FAM227B: variants seen among roughly 807,000 people sequenced by gnomAD.
FAM227B encodes protein FAM227B.
In FAM227B, 88 loss-of-function variants were observed where a neutral mutation model predicts 73.8. That is an observed-to-expected ratio of 1.19 (90% confidence interval 1.00 to 1.42). FAM227B has a LOEUF of 1.42. Among genes scored for constraint, FAM227B ranks in the 40% most tolerant of loss-of-function variants. The pLI is 0.00. For synonymous variants in FAM227B, 210 were observed against 190.5 expected, an observed-to-expected ratio of 1.10 and a Z score of -0.84; for missense variants, 632 against 590.9, an observed-to-expected ratio of 1.07 and a Z score of -0.72.
chr15:49,518,585 A>C (rs2059550991), intron 10 of FAM227B, among the ~76,000 whole-genome samples: 1 of 152,222 alleles, frequency 6.6e-6, no homozygotes. Flanking sequence ...ACCTGGCAGC[A>C]GGCAAGAATG....
At chr15:49,467,102 T>C (rs1440729700) in intron 11 of FAM227B, among the ~76,000 whole-genome samples, 3 of 152,114 alleles carry the variant, frequency 2.0e-5, no homozygotes, top group African/African-American at 7.2e-5. Flanking sequence ...AAGATTACAT[T>C]ATATATCTAC....
chr15:49,419,163 A>G (rs1015171117), intron 11 of FAM227B, among the ~76,000 whole-genome samples: 2 of 152,208 alleles, frequency 1.3e-5, no homozygotes, highest in African/African-American at 4.8e-5. Flanking sequence ...CTATTTGTTC[A>G]GACACATGAG....
chr15:49,597,734 G>A (rs1259629463), intron 3 of FAM227B, among the ~76,000 whole-genome samples: 1 of 151,866 alleles, frequency 6.6e-6, no homozygotes, highest in Non-Finnish European at 1.5e-5. Flanking sequence ...GCGAGATTAA[G>A]CAAGAAAAGA....
At chr15:49,593,913 T>C (rs978796004) in intron 3 of FAM227B, among the ~76,000 whole-genome samples, 2 of 152,196 alleles carry the variant, frequency 1.3e-5, no homozygotes, top group Non-Finnish European at 2.9e-5. Flanking sequence ...GTCTTTTTTA[T>C]ATAATGACTT....
chr15:49,449,285 A>G (rs1434982096), intron 11 of FAM227B, among the ~76,000 whole-genome samples: 1 of 152,082 alleles, frequency 6.6e-6, no homozygotes, highest in Non-Finnish European at 1.5e-5. Flanking sequence ...CATGAAATCA[A>G]TCTAAAATAA....
At chr15:49,351,833 A>G (rs886151621) in intron 13 of FAM227B, among the ~76,000 whole-genome samples, 4 of 152,244 alleles carry the variant, frequency 2.6e-5, no homozygotes, top group Admixed American at 6.5e-5. Flanking sequence ...ATCTTTGTAC[A>G]TCACCTTAGT....
At chr15:49,438,577 T>C (rs2051323216) in intron 11 of FAM227B, among the ~76,000 whole-genome samples, 2 of 151,668 alleles carry the variant, frequency 1.3e-5, no homozygotes, top group South Asian at 4.1e-4. Flanking sequence ...ATATATAGCA[T>C]AGGAGTAGAT....
intron 11 of FAM227B, among the ~76,000 whole-genome samples, chr15:49,412,962 C>T (rs2048967554): frequency 6.6e-6 from 1 of 152,102 alleles, no homozygotes; most frequent in Non-Finnish European, 1.5e-5. Context: ...GCCAAACTTT[C>T]CAGTTGTCTG....
chr15:49,607,208 G>A (rs1199367888), intron 3 of FAM227B, among the ~76,000 whole-genome samples: 1 of 152,064 alleles, frequency 6.6e-6, no homozygotes, highest in African/African-American at 2.4e-5. Flanking sequence ...ATAATACCCA[G>A]TGCTTAACAC....
chr15:49,375,156 T>A (rs1256168564), intron 11 of FAM227B, among the ~76,000 whole-genome samples: 1 of 152,206 alleles, frequency 6.6e-6, no homozygotes, highest in African/African-American at 2.4e-5. Flanking sequence ...TAATTATAAA[T>A]AACTTCACAG....
chr15:49,341,022 T>G (rs2040644717), intron 13 of FAM227B, among the ~76,000 whole-genome samples: 2 of 152,200 alleles, frequency 1.3e-5, no homozygotes, highest in Non-Finnish European at 2.9e-5. Context: ...GAGTAGGAAG[T>G]CCTTTCCCCA....
At chr15:49,385,912 A>C (rs776202319) in intron 11 of FAM227B, among the ~76,000 whole-genome samples, 4 of 151,976 alleles carry the variant, frequency 2.6e-5, no homozygotes, top group Admixed American at 2.6e-4. Context: ...GACAGTCCCT[A>C]TTATATTGAT....
chr15:49,393,968 T>G (rs1388985965), intron 11 of FAM227B, among the ~76,000 whole-genome samples: 3 of 152,274 alleles, frequency 2.0e-5, no homozygotes, highest in African/African-American at 7.2e-5. Context: ...ACAGGAGTGT[T>G]CTTTAAATGT....
chr15:49,426,774 C>A (rs1161500042), intron 11 of FAM227B, among the ~76,000 whole-genome samples: 1 of 151,666 alleles, frequency 6.6e-6, no homozygotes, highest in African/African-American at 2.4e-5. Flanking sequence ...TGTCACAATA[C>A]CAGTGTACTA....
chr15:49,431,766 C>G (rs2050644013), intron 11 of FAM227B, among the ~76,000 whole-genome samples: 1 of 151,672 alleles, frequency 6.6e-6, no homozygotes, highest in Non-Finnish European at 1.5e-5. Flanking sequence ...GATTTTAAAT[C>G]TTCTGTAAAC....
chr15:49,371,965 T>TG (rs1567172268), intron 11 of FAM227B, among the ~76,000 whole-genome samples: 19 of 101,484 alleles, frequency 1.9e-4, no homozygotes, highest in African/African-American at 7.2e-4. Flanking sequence ...CACTTATAAA[T>TG]AAATGAAATA....
chr15:49,385,740 A>C (rs2046844341), intron 11 of FAM227B, among the ~76,000 whole-genome samples: 1 of 151,796 alleles, frequency 6.6e-6, no homozygotes. Context: ...CAATAGAAAT[A>C]TCTACTTCAA....
intron 11 of FAM227B, chr15:49,424,615 T>G: frequency 6.8e-7 from 1 of 1,479,728 alleles, no homozygotes; most frequent in East Asian, 2.3e-5. Context: ...TCATGAACCT[T>G]AGCAATCTGT....
intron 11 of FAM227B, among the ~76,000 whole-genome samples, chr15:49,465,131 TTTTTA>T (rs1442324124): frequency 4.6e-5 from 7 of 152,060 alleles, no homozygotes; most frequent in East Asian, 3.9e-4. Context: ...CTTAATTTTA[TTTTTA>T]TTTTATTTTT....
Sources: gnomAD v4.1 joint callset for allele counts (sites outside exome capture counted in the v4.1 genomes callset) on GRCh38, gnomAD v4.1.1 for gene constraint, MANE v1.5 for transcripts, NCBI Gene and HGNC (gene_info 2026-07-23, HGNC 2026-07-21) for gene names.